The following FARS2 variants were observed in gnomAD, a reference collection of about 807,000 sequenced individuals.
The protein encoded by FARS2 is phenylalanine--tRNA ligase, mitochondrial.
In FARS2, 40 loss-of-function variants were observed where a neutral mutation model predicts 46.4. The observed-to-expected ratio is 0.86, with a 90% CI of 0.67 to 1.12. The LOEUF (loss-of-function observed/expected upper bound fraction) is 1.12. Among genes scored for constraint, FARS2 ranks in the 50% most tolerant of loss-of-function variants. FARS2 has a pLI of 0.00. For synonymous variants in FARS2, 234 were observed against 214.9 expected, an observed-to-expected ratio of 1.09 and a Z score of -0.78; for missense variants, 513 against 567.9, an observed-to-expected ratio of 0.90 and a Z score of 0.98.
chr6:5,544,408 C>T (rs1770832571), intron 4 of FARS2, among the ~76,000 whole-genome samples: 1 of 48,012 alleles, frequency 2.1e-5, no homozygotes, highest in Non-Finnish European at 4.0e-5. Context: ...TGTTAGTGTC[C>T]AGTTGGAATT....
the FARS2 span, among the ~76,000 whole-genome samples, chr6:5,252,752 C>A: frequency 6.6e-6 from 1 of 152,110 alleles, no homozygotes; most frequent in Non-Finnish European, 1.5e-5. Flanking sequence ...GCTGTGACTG[C>A]CCTTCTTCTT....
intron 3 of FARS2, among the ~76,000 whole-genome samples, chr6:5,408,468 T>G (rs1176301996): frequency 6.6e-6 from 1 of 152,142 alleles, no homozygotes; most frequent in Non-Finnish European, 1.5e-5. Flanking sequence ...TGATTGACAG[T>G]AGACTCTTAT....
chr6:5,708,324 C>T (rs748008891), intron 6 of FARS2, among the ~76,000 whole-genome samples: 36 of 152,248 alleles, frequency 2.4e-4, no homozygotes, highest in Non-Finnish European at 4.4e-4. Context: ...GTTTTAGCAT[C>T]ATTTCACTCT....
Position 5,571,866 on chromosome 6 carries a change from C to T in FARS2, c.1065+26526C>T, listed in dbSNP as rs1436354121. Among the ~76,000 whole-genome samples, 3 of 152,014 alleles carry T rather than the reference C, an allele frequency of 2.0e-5. No individual in the cohort carries two copies. In the East Asian group the frequency reaches 5.8e-4, roughly 29 times the overall value. The stretch of plus-strand genomic sequence containing the variant: ...CTCTTTACCCCCATCTGTTCCTTGC[C>T]AGTCTGCTGTTAGGCAAACCTCTAG... On this transcript the variant is annotated intron_variant, in intron 5 of 6. Coordinates refer to ENST00000274680, the MANE Select transcript of FARS2 (RefSeq NM_006567.5).
At chr6:5,562,744 T>C (rs564739086) in intron 5 of FARS2, among the ~76,000 whole-genome samples, 3 of 149,328 alleles carry the variant, frequency 2.0e-5, no homozygotes, top group African/African-American at 7.5e-5. Context: ...TTTCATTGTG[T>C]TAAATCTTTG....
intron 6 of FARS2, among the ~76,000 whole-genome samples, chr6:5,667,276 T>C (rs529771756): frequency 6.6e-6 from 1 of 152,138 alleles, no homozygotes; most frequent in East Asian, 1.9e-4. Context: ...TCCCAGCCCT[T>C]TGGGGGGCCA....
At chr6:5,579,509 G>C (rs1773202646) in intron 5 of FARS2, among the ~76,000 whole-genome samples, 1 of 152,054 alleles carries the variant, frequency 6.6e-6, no homozygotes, top group Non-Finnish European at 1.5e-5. Flanking sequence ...CTTGACCTCA[G>C]GTGATCCACC....
intron 1 of FARS2, among the ~76,000 whole-genome samples, chr6:5,347,700 C>G (rs1412989448): frequency 2.0e-5 from 3 of 152,126 alleles, no homozygotes; most frequent in African/African-American, 7.2e-5. Context: ...GGTAGGTGTA[C>G]GTTTAGCTTT....
In FARS2 at chr6:5,523,966, G is replaced by A. The variant is rs545640204; in HGVS notation, c.905-21214G>A. Among the ~76,000 whole-genome samples the A allele has an allele frequency of 2.6e-5, 4 of 151,906 alleles. No individual in the cohort carries two copies. In the East Asian group the frequency reaches 5.8e-4, roughly 22 times the overall value. ...AATTATCTAATGATAATTCTTCAAA[G>A]GGGTCATGTTTCCAAGAACATGATG... On this transcript the variant is annotated intron_variant, in intron 4 of 6. Coordinates refer to ENST00000274680, the MANE Select transcript of FARS2 (RefSeq NM_006567.5).
rs960128204 is a variant in FARS2, at chr6:5,765,383, G to C, written c.1218-5908G>C. ...TGAATCTCTCAGAAGGGGAGCTGAC[G>C]GGCGGCAGTGGGAGAGTGGAAGAGG... is the stretch of plus-strand genomic sequence containing the variant. On this transcript the variant is annotated intron_variant, in intron 6 of 6. Coordinates refer to ENST00000274680, the MANE Select transcript of FARS2 (RefSeq NM_006567.5). The surrounding 1 kb of genome is among the most constrained non-coding windows in gnomAD (Gnocchi z 4.0). Among the ~76,000 whole-genome samples the C allele has an allele frequency of 6.6e-6, 1 of 152,264 alleles. No homozygotes were observed. Among genetic ancestry groups the C allele is most frequent in the Non-Finnish European group, 1.5e-5 (1 of 68,046 alleles).
chr6:5,547,375 CTTTT>C (rs1179938775), intron 5 of FARS2, among the ~76,000 whole-genome samples: 1 of 145,002 alleles, frequency 6.9e-6, no homozygotes, highest in Admixed American at 6.9e-5. Flanking sequence ...CTTCACTTGT[CTTTT>C]TGTTTTTTTT....
chr6:5,437,995 C>A (rs12198170), intron 4 of FARS2, among the ~76,000 whole-genome samples: 1 of 151,648 alleles, frequency 6.6e-6, no homozygotes, highest in Non-Finnish European at 1.5e-5. Context: ...TTTTATTTCC[C>A]CTTTAGTTTG....
chr6:5,504,626 C>T (rs1768000640), intron 4 of FARS2, among the ~76,000 whole-genome samples: 1 of 152,066 alleles, frequency 6.6e-6, no homozygotes, highest in African/African-American at 2.4e-5. Flanking sequence ...AAATTACTGA[C>T]ACCAAGCTCG....
At chr6:5,525,522 G>A (rs1050136862) in intron 4 of FARS2, among the ~76,000 whole-genome samples, 1 of 152,174 alleles carries the variant, frequency 6.6e-6, no homozygotes, top group Non-Finnish European at 1.5e-5. Context: ...ATCAACCTCT[G>A]ATTACCGTAG....
chr6:5,412,378 CTG>C (rs1761985479), intron 3 of FARS2, among the ~76,000 whole-genome samples: 1 of 152,226 alleles, frequency 6.6e-6, no homozygotes, highest in Admixed American at 6.5e-5. Flanking sequence ...ATTGGCCTGA[CTG>C]TAGTTCGTTG....
At chr6:5,291,186 T>C (rs757183606) in intron 1 of FARS2, 12 of 152,280 alleles carry the variant, frequency 7.9e-5, no homozygotes, top group African/African-American at 2.4e-5. Context: ...TGTTAGCATT[T>C]ACCTAATAAG....
At chr6:5,414,602 G>A (rs1361938149) in intron 3 of FARS2, among the ~76,000 whole-genome samples, 1 of 152,056 alleles carries the variant, frequency 6.6e-6, no homozygotes, top group Non-Finnish European at 1.5e-5. Flanking sequence ...ATTCCTTTTT[G>A]TTACTAAGTA....
chr6:5,730,215 C>CAGCA (rs1409013713), intron 6 of FARS2, among the ~76,000 whole-genome samples: 2 of 152,224 alleles, frequency 1.3e-5, no homozygotes, highest in Non-Finnish European at 2.9e-5. Flanking sequence ...CATCCTGGGA[C>CAGCA]AGCAGTGCCT....
chr6:5,573,107 G>A (rs1242850214), intron 5 of FARS2, among the ~76,000 whole-genome samples: 1 of 152,124 alleles, frequency 6.6e-6, no homozygotes, highest in Non-Finnish European at 1.5e-5. Context: ...TCTATTTTCT[G>A]AAGTCAGTAG....
Sources: allele counts gnomAD v4.1 joint callset (sites outside exome capture counted in the v4.1 genomes callset), GRCh38; gene constraint gnomAD v4.1.1; non-coding constraint Gnocchi (gnomAD v3.1); transcripts MANE v1.5; gene names NCBI Gene and HGNC (gene_info 2026-07-23, HGNC 2026-07-21).